HCN2: variants seen among roughly 807,000 people sequenced by gnomAD.
HCN2 encodes the protein hyperpolarization activated cyclic nucleotide gated potassium and sodium channel 2, also known as potassium/sodium hyperpolarization-activated cyclic nucleotide-gated channel 2.
Under a neutral mutation model 52.3 loss-of-function variants are expected in HCN2, and 20 were observed. The ratio of observed to expected loss-of-function variants is 0.38; its 90% CI spans 0.27 to 0.56. The LOEUF (loss-of-function observed/expected upper bound fraction) is 0.56. HCN2 is among the 20% of genes least tolerant of loss of function. The pLI is 0.71. For missense variants in HCN2, 981 were observed against 1,207.7 expected (o/e 0.81, Z 2.78); for synonymous variants, 694 against 537.0 (o/e 1.29, Z -4.04).
In HCN2 at chr19:603,801, C is replaced by T. The variant is rs1983299931; in HGVS notation, c.890C>T (p.Ser297Phe). ...LRTWFVVDFV[S>F]SIPVDYIFLI... ...ACGTGGTTCGTGGTGGACTTCGTGTCCTCCATCCCCGTGGACTACATCTTC... is the reference window on the plus strand; with the variant it reads ...ACGTGGTTCGTGGTGGACTTCGTGTTCTCCATCCCCGTGGACTACATCTTC... Residue 297 changes from serine to phenylalanine, a missense_variant, in exon 2 of 8, where the codon TCC becomes TTC. Physicochemically the swap from Ser to Phe is radical, Grantham distance 155. This residue lies in a region of HCN2 where 282 missense variants were observed against 553.8 expected (regional missense o/e 0.51). Coordinates refer to ENST00000251287, the MANE Select transcript of HCN2 (RefSeq NM_001194.4). 2 of 1,612,782 alleles carry T rather than the reference C, an allele frequency of 1.2e-6. No individual in the cohort carries two copies. The highest frequency in any genetic ancestry group is 8.5e-7 in the Non-Finnish European group (1 of 1,179,844).
At position 590,874 on chromosome 19, in the gene HCN2, G is replaced by C. The variant is rs923115219; in HGVS notation, c.632+297G>C. 10 of 211,510 alleles carry C rather than the reference G, an allele frequency of 4.7e-5. No individual in the cohort carries two copies. Among genetic ancestry groups the C allele is most frequent in the Admixed American group, 3.6e-4 (6 of 16,844 alleles). The allele number at this position is 211,510 out of a possible 1,614,324, so 13.1% of individuals were successfully genotyped here. A position where few individuals can be genotyped will look rare whatever the true frequency, so the allele number is the denominator to read the frequency against. ...GCCGCAGGGCCAGGGTCTGAGCGCA[G>C]AGGGGCAGAGAGGACGAATAGAGGG... On this transcript the variant is annotated intron_variant, in intron 1 of 7. Coordinates refer to ENST00000251287, the MANE Select transcript of HCN2 (RefSeq NM_001194.4). The surrounding 1 kb of genome is among the most constrained non-coding windows in gnomAD (Gnocchi z 7.2).
rs561371431 is a variant in HCN2 at position 605,520 on chromosome 19, G to C, written c.1218+298G>C. 3.0e-4 allele frequency among the ~76,000 whole-genome samples: 9 copies of C among 30,282 alleles called. 1 individual carries two copies. In the African/African-American group the frequency reaches 3.9e-3, roughly 13 times the overall value. The allele number at this position is 30,282 out of a possible 152,430, so 19.9% of individuals were successfully genotyped here. A position where few individuals can be genotyped will look rare whatever the true frequency, so the allele number is the denominator to read the frequency against. ...CCAGGCGCCCCCTTATGGAGGGGAG[G>C]ACTCGGGCCCTTTCAGAGGTGGGGA... On this transcript the variant is annotated intron_variant, in intron 3 of 7. Transcript: ENST00000251287.
At chr19:597,348 C>A (rs1431117181) in intron 1 of HCN2, among the ~76,000 whole-genome samples, 3 of 152,202 alleles carry the variant, frequency 2.0e-5, no homozygotes, top group Non-Finnish European at 2.9e-5. Context: ...AGGTGTGGTA[C>A]CTGCCCCCAG....
intron 7 of HCN2, among the ~76,000 whole-genome samples, chr19:614,326 C>T (rs146621605): frequency 9.1e-4 from 138 of 152,258 alleles, no homozygotes; most frequent in African/African-American, 3.0e-3. Context: ...AGGGTGTTTG[C>T]GGTTGTGCCG....
At chr19:613,061 G>T (rs576761109) in intron 5 of HCN2, among the ~76,000 whole-genome samples, 187 bp from the exon 6 acceptor site, 1 of 152,214 alleles carries the variant, frequency 6.6e-6, no homozygotes, top group African/African-American at 2.4e-5. Flanking sequence ...GTCAAACGGC[G>T]AAGGGGCACT....
rs115435766 is a variant in HCN2 at position 608,680 on chromosome 19, G to A, written c.1437+498G>A. ...AGTCTTTGGACATCGGGAAGCCCCC[G>A]GGCTGAAGGGGCATTGCCAGGAGGC... On this transcript the variant is annotated intron_variant, in intron 4 of 7. Coordinates refer to ENST00000251287, the MANE Select transcript of HCN2 (RefSeq NM_001194.4). Among the ~76,000 whole-genome samples the A allele has an allele frequency of 5.8e-3, 874 of 151,070 alleles. 8 individuals are homozygous for A. Among genetic ancestry groups the A allele is most frequent in the African/African-American group, 0.02 (821 of 41,436 alleles).
In HCN2 at chr19:616,201, C is replaced by T. The variant is rs1303500000; in HGVS notation, c.2397C>T (p.Pro799=). Residue 799 remains proline (P), a synonymous_variant, in exon 8 of 8, where the codon CCC becomes CCT. Transcript: ENST00000251287. ...GGACCTCGCCCTACGGCGGCCTGCC[C>T]GCCGCCCCCCTTGCTGGGCCCGCCC... ...APRTSPYGGL[P]AAPLAGPALP... 3.9e-5 allele frequency: 38 copies of T among 984,268 alleles called. No individual in the cohort carries two copies. Among genetic ancestry groups the T allele is most frequent in the South Asian group, 1.8e-4 (4 of 22,414 alleles). 61.0% of individuals were successfully genotyped at this position (984,268 alleles called of 1,614,324 possible).
In HCN2 at chr19:610,175, G is replaced by A. The variant is rs1030741488; in HGVS notation, c.1438-84G>A. 1.2e-5 allele frequency: 18 copies of A among 1,498,250 alleles called. 1 individual carries two copies. Among genetic ancestry groups the A allele is most frequent in the African/African-American group, 1.0e-4 (7 of 68,548 alleles). 92.8% of individuals were successfully genotyped at this position (1,498,250 alleles called of 1,614,324 possible). On this transcript the variant is annotated intron_variant, in intron 4 of 7. Transcript: ENST00000251287. ...TGGGGGCGGTGTCTGACCCAGCCTC[G>A]CCTCCCCACAGTACAAGCAGGTGCC...
intron 3 of HCN2, 81 bp downstream of exon 3, chr19:605,303 C>CGCTCAGGGCAG: frequency 2.4e-6 from 3 of 1,233,560 alleles, no homozygotes; most frequent in Admixed American, 6.1e-5. Context: ...ATCCCGCTTA[C>CGCTCAGGGCAG]AGAGGGTTGA....
At chr19:613,650 T>C (rs1207632033) in intron 6 of HCN2, among the ~76,000 whole-genome samples, 162 bp downstream of exon 6, 411 of 6,632 alleles carry the variant, frequency 0.062, 27 homozygotes, top group African/African-American at 0.19. Context: ...GGGATGGGGA[T>C]GGGGATGGGG....
chr19:611,779 C>T (rs936163865), intron 5 of HCN2, among the ~76,000 whole-genome samples: 12 of 152,140 alleles, frequency 7.9e-5, no homozygotes, highest in Admixed American at 2.0e-4. Context: ...GCTCACTCCC[C>T]GTCCCCAGCC....
At chr19:596,000 C>T (rs1241486083) in intron 1 of HCN2, among the ~76,000 whole-genome samples, 2 of 152,200 alleles carry the variant, frequency 1.3e-5, no homozygotes, top group Admixed American at 6.5e-5. Flanking sequence ...GGGCTGAAGA[C>T]CCCCTGGGCA....
At chr19:598,794 G>C (rs1983114347) in intron 1 of HCN2, among the ~76,000 whole-genome samples, 1 of 151,692 alleles carries the variant, frequency 6.6e-6, no homozygotes, top group Non-Finnish European at 1.5e-5. Context: ...ATTTTTAGTA[G>C]AGACGGGGTT....
chr19:590,549 T>C lies in HCN2; in HGVS notation c.604T>C (p.Trp202Arg). The C allele has an allele frequency of 2.0e-6, 3 of 1,500,064 alleles. No homozygotes were observed. Among genetic ancestry groups the C allele is most frequent in the South Asian group, 2.5e-5 (2 of 80,170 alleles). The allele number at this position is 1,500,064 out of a possible 1,614,324, so 92.9% of individuals were successfully genotyped here. A position where few individuals can be genotyped will look rare whatever the true frequency, so the allele number is the denominator to read the frequency against. Residue 202 changes from tryptophan (W) to arginine (R), a missense_variant, in exon 1 of 8, where the codon TGG becomes CGG. Around this residue, in one of 6 missense-constraint regions of HCN2, gnomAD observed 23 missense variants for 20.3 expected, o/e 1.13. Coordinates refer to ENST00000251287, the MANE Select transcript of HCN2 (RefSeq NM_001194.4). This position sits in a 1 kb window ranked among gnomAD's most constrained non-coding sequence, Gnocchi z 7.2. Reference sequence around the variant, plus strand: ...GGAGCGCGTCAAGTCGGCGGGGGCCTGGATCATCCACCCGTACAGCGACTT... The same window carrying C: ...GGAGCGCGTCAAGTCGGCGGGGGCCCGGATCATCCACCCGTACAGCGACTT... ...EQERVKSAGA[W>R]IIHPYSDFRF...
Position 605,237 on chromosome 19 carries a change from C to T in HCN2, c.1218+15C>T. The T allele has an allele frequency of 1.9e-6, 3 of 1,608,424 alleles. No individual in the cohort carries two copies. Among genetic ancestry groups the T allele is most frequent in the Non-Finnish European group, 2.5e-6 (3 of 1,178,186 alleles). On this transcript the variant is annotated intron_variant, in intron 3 of 7. Transcript: ENST00000251287. ...ATGGCATGGTGGTGAGCGCCGCGGG[C>T]CCTGACGGAGGGGGAGACGCAGGCT...
In HCN2 at chr19:615,850, AT is replaced by A; in HGVS notation, c.2048del (p.Phe683SerfsTer54). The A allele has an allele frequency of 6.2e-7, 1 of 1,613,120 alleles. No homozygotes were observed. Among genetic ancestry groups the A allele is most frequent in the African/African-American group, 1.3e-5 (1 of 75,048 alleles). On this transcript the variant is annotated frameshift_variant, in exon 8 of 8. Transcript: ENST00000251287. LOFTEE classifies it low-confidence loss of function (END_TRUNC). ...KVQHDLNSGV[F>X]NNQENAIIQE... ...TGCAGCATGACCTCAACTCGGGCGT[AT>A]TCAACAACCAGGAGAACGCCATCAT...
intron 1 of HCN2, among the ~76,000 whole-genome samples, chr19:600,956 G>A (rs747888475): frequency 1.1e-4 from 16 of 149,644 alleles, no homozygotes; most frequent in African/African-American, 1.7e-4. Context: ...TCCAACCCCC[G>A]GCCCCCGGCA....
At chr19:608,245 TGAGA>T (rs1001523312) in intron 4 of HCN2, 63 bp downstream of exon 4, 171 of 1,468,992 alleles carry the variant, frequency 1.2e-4, no homozygotes, top group Non-Finnish European at 1.5e-4. Context: ...ATCTGGGGTC[TGAGA>T]GAGAGTCAGG....
At chr19:610,642 T>C (rs1279371490) in intron 5 of HCN2, among the ~76,000 whole-genome samples, 1 of 152,176 alleles carries the variant, frequency 6.6e-6, no homozygotes, top group Non-Finnish European at 1.5e-5. Context: ...TGCCTGGGTC[T>C]GTGCCTGACA....
Sources: gnomAD v4.1 joint callset for allele counts (sites outside exome capture counted in the v4.1 genomes callset) on GRCh38, gnomAD v4.1.1 for gene constraint, gnomAD v4.1.1 regional missense constraint, Gnocchi (gnomAD v3.1) non-coding constraint, MANE v1.5 for transcripts, NCBI Gene and HGNC (gene_info 2026-07-23, HGNC 2026-07-21) for gene names.